ACSM3: variants seen among roughly 807,000 people sequenced by gnomAD.
ACSM3 encodes the protein acyl-CoA synthetase medium chain family member 3, also known as acyl-coenzyme A synthetase ACSM3, mitochondrial.
Under a neutral mutation model 74.1 loss-of-function variants are expected in ACSM3, and 61 were observed. That is an observed-to-expected ratio of 0.82 (90% CI 0.67 to 1.02). ACSM3 has a LOEUF of 1.02. Among genes scored for constraint, ACSM3 ranks in the 50% least tolerant of loss-of-function variants. The pLI is 0.00. For missense variants in ACSM3, 660 were observed against 697.0 expected, an observed-to-expected ratio of 0.95 and a Z score of 0.60; for synonymous variants, 213 against 241.5, an observed-to-expected ratio of 0.88 and a Z score of 1.09.
chr16:20,734,710 C>T (rs1027902963), intron 1 of ACSM3: 3 of 152,082 alleles, frequency 2.0e-5, no homozygotes, highest in Non-Finnish European at 4.4e-5. Context: ...TTGTTTTACC[C>T]AAAAAGAGGC....
At chr16:20,689,065 T>C (rs2079606127) in intron 1 of ACSM3, among the ~76,000 whole-genome samples, 1 of 150,264 alleles carries the variant, frequency 6.7e-6, no homozygotes, top group Non-Finnish European at 1.5e-5. Context: ...TTAAGCAATA[T>C]ACAAAAATGT....
intron 1 of ACSM3, among the ~76,000 whole-genome samples, chr16:20,704,478 C>T (rs2079721523): frequency 6.6e-6 from 1 of 152,190 alleles, no homozygotes; most frequent in African/African-American, 2.4e-5. Context: ...ACTGAGAGAA[C>T]ACACAGGCCC....
intron 1 of ACSM3, among the ~76,000 whole-genome samples, chr16:20,746,444 T>C (rs965131095): frequency 2.0e-5 from 3 of 152,242 alleles, no homozygotes; most frequent in African/African-American, 7.2e-5. Context: ...TATTTTATTG[T>C]TCTATAGACC....
chr16:20,736,634 T>G (rs1028460778), intron 1 of ACSM3: 2 of 442,988 alleles, frequency 4.5e-6, no homozygotes, highest in Non-Finnish European at 8.0e-6. Flanking sequence ...GAGGCCAACA[T>G]CCCCCTCCTA....
intron 1 of ACSM3, among the ~76,000 whole-genome samples, chr16:20,687,166 A>C (rs776545155): frequency 6.6e-6 from 1 of 152,060 alleles, no homozygotes; most frequent in Non-Finnish European, 1.5e-5. Flanking sequence ...CCTGACTTGC[A>C]GGTCAGATAG....
chr16:20,717,746 TTTG>T (rs535339255), intron 1 of ACSM3, among the ~76,000 whole-genome samples: 162 of 151,990 alleles, frequency 1.1e-3, no homozygotes, highest in African/African-American at 3.7e-3. Flanking sequence ...TGCATGTCCT[TTTG>T]TTATTAATAT....
chr16:20,727,363 G>A (rs895162681), intron 1 of ACSM3: 5 of 588,994 alleles, frequency 8.5e-6, no homozygotes, highest in Admixed American at 1.9e-5. Context: ...AAGAGGCTGC[G>A]GCACTGCTTG....
At chr16:20,698,274 A>G (rs1367612027) in intron 1 of ACSM3, among the ~76,000 whole-genome samples, 2 of 151,800 alleles carry the variant, frequency 1.3e-5, no homozygotes, top group Non-Finnish European at 2.9e-5. Context: ...TGAATGAACT[A>G]GATCCAATGG....
intron 1 of ACSM3, among the ~76,000 whole-genome samples, chr16:20,764,424 T>A (rs569028277): frequency 9.9e-5 from 15 of 152,276 alleles, no homozygotes; most frequent in East Asian, 5.8e-4. Context: ...ATTTTTTTTT[T>A]AATTTTAATT....
At chr16:20,746,319 G>C (rs1010232738) in intron 1 of ACSM3, among the ~76,000 whole-genome samples, 13 of 152,136 alleles carry the variant, frequency 8.5e-5, no homozygotes, top group South Asian at 4.2e-4. Context: ...CCATCCCTCA[G>C]TCTGATCACC....
intron 1 of ACSM3, among the ~76,000 whole-genome samples, chr16:20,683,900 T>C (rs1321581791): frequency 1.3e-5 from 2 of 152,066 alleles, no homozygotes; most frequent in Non-Finnish European, 2.9e-5. Context: ...ATCTTATAGG[T>C]CTACAGATGA....
intron 1 of ACSM3, chr16:20,733,538 GT>G (rs957729060): frequency 1.7e-4 from 26 of 151,798 alleles, no homozygotes; most frequent in African/African-American, 6.3e-4. Flanking sequence ...ATTTTTTAAT[GT>G]TTTTTAGGCT....
At chr16:20,786,011 T>C in intron 8 of ACSM3, 67 bp from the exon 9 acceptor site, 1 of 1,094,606 alleles carries the variant, frequency 9.1e-7, no homozygotes, top group Non-Finnish European at 1.3e-6. Flanking sequence ...GTTGAATGAA[T>C]GCATGATAGA....
intron 1 of ACSM3, chr16:20,679,626 G>C (rs796890666): frequency 6.6e-6 from 1 of 152,164 alleles, no homozygotes; most frequent in Non-Finnish European, 1.5e-5. Flanking sequence ...TAGAAGGGGA[G>C]AAATCTCTAG....
chr16:20,786,678 G>C (rs549556792), intron 9 of ACSM3, among the ~76,000 whole-genome samples: 9 of 152,170 alleles, frequency 5.9e-5, no homozygotes, highest in Non-Finnish European at 1.3e-4. Flanking sequence ...GCAAGACCCT[G>C]TCTCTAAATA....
chr16:20,695,210 C>A (rs892494147), intron 1 of ACSM3, among the ~76,000 whole-genome samples: 1 of 152,150 alleles, frequency 6.6e-6, no homozygotes, highest in Non-Finnish European at 1.5e-5. Flanking sequence ...TCAAACAACA[C>A]GGGCTCAAAT....
At chr16:20,732,620 C>T (rs937030675) in intron 1 of ACSM3, among the ~76,000 whole-genome samples, 1 of 152,046 alleles carries the variant, frequency 6.6e-6, no homozygotes, top group Non-Finnish European at 1.5e-5. Context: ...CAGTAGAGAC[C>T]TAGGACTAGT....
chr16:20,759,005 T>C (rs996323862), intron 3 of ACSM3, among the ~76,000 whole-genome samples: 2 of 152,190 alleles, frequency 1.3e-5, no homozygotes, highest in African/African-American at 4.8e-5. Flanking sequence ...CAGTTTGTTA[T>C]AATTTCTGTT....
Position 20,682,108 on chromosome 16 carries a change from A to G in ACSM3, c.-190+7286A>G, listed in dbSNP as rs763449983. The G allele has an allele frequency of 1.8e-5, 13 of 721,488 alleles. 1 individual carries two copies. In the South Asian group the frequency reaches 2.3e-4, roughly 13 times the overall value. 44.7% of individuals were successfully genotyped at this position (721,488 alleles called of 1,614,324 possible). On this transcript the variant is annotated intron_variant, in intron 1 of 3. Coordinates refer to the ACSM3 transcript ENST00000561584. ...TAAAAGGTAACCTGACTCTTTGTTC[A>G]GGGCTCAGTCCTTTGGATGTTAATC...
Sources: allele counts gnomAD v4.1 joint callset (sites outside exome capture counted in the v4.1 genomes callset), GRCh38; gene constraint gnomAD v4.1.1; transcripts MANE v1.5; gene names NCBI Gene and HGNC (gene_info 2026-07-23, HGNC 2026-07-21).